TPTE2: variants seen among roughly 807,000 people sequenced by gnomAD.
TPTE2 encodes the protein transmembrane phosphoinositide 3-phosphatase and tensin homolog 2.
In TPTE2, 53 loss-of-function variants were observed where a neutral mutation model predicts 78.6. The observed-to-expected ratio is 0.67, with a 90% CI of 0.54 to 0.85. The LOEUF (loss-of-function observed/expected upper bound fraction) is 0.85. TPTE2 is among the 40% of genes least tolerant of loss of function. The pLI is 0.00. For missense variants in TPTE2, 461 were observed against 623.0 expected (o/e 0.74, Z 2.77); for synonymous variants, 175 against 206.2 (o/e 0.85, Z 1.30).
intron 5 of TPTE2, among the ~76,000 whole-genome samples, chr13:19,474,618 T>C (rs527965617): frequency 1.3e-5 from 2 of 152,358 alleles, no homozygotes; most frequent in African/African-American, 2.4e-5. Context: ...GCTTCTAGCA[T>C]AGTGATGGGC....
chr13:19,497,219 G>A (rs1246871310), intron 1 of TPTE2, among the ~76,000 whole-genome samples: 1 of 148,992 alleles, frequency 6.7e-6, no homozygotes, highest in South Asian at 2.3e-4. Context: ...AGCGAGGCTG[G>A]GGGAGGGGCG....
At chr13:19,464,032 G>T (rs1879102118) in intron 10 of TPTE2, among the ~76,000 whole-genome samples, 1 of 152,136 alleles carries the variant, frequency 6.6e-6, no homozygotes, top group Non-Finnish European at 1.5e-5. Flanking sequence ...TGCCAGATGG[G>T]ATGGGCCTTG....
chr13:19,465,864 T>C (rs1207048661), intron 7 of TPTE2, among the ~76,000 whole-genome samples: 1 of 152,180 alleles, frequency 6.6e-6, no homozygotes, highest in African/African-American at 2.4e-5. Context: ...TGGCCCAAAA[T>C]GTTGGTAATG....
chr13:19,464,954 G>T (rs546442193), intron 9 of TPTE2, among the ~76,000 whole-genome samples: 1 of 152,322 alleles, frequency 6.6e-6, no homozygotes, highest in Admixed American at 6.5e-5. Flanking sequence ...ATGAGAAGAG[G>T]TCTCTGTGGG....
intron 15 of TPTE2, among the ~76,000 whole-genome samples, chr13:19,435,805 C>T (rs1283980552): frequency 2.0e-5 from 3 of 147,630 alleles, no homozygotes; most frequent in African/African-American, 7.6e-5. Flanking sequence ...AGGAGTCATC[C>T]AAAAACAGTC....
At chr13:19,492,999 T>G in intron 2 of TPTE2, 96 bp from the exon 6 acceptor site, 5 of 1,520,204 alleles carry the variant, frequency 3.3e-6, no homozygotes, top group Non-Finnish European at 4.5e-6. Flanking sequence ...CAGAAACCAA[T>G]TAATTTCTGT....
intron 4 of TPTE2, among the ~76,000 whole-genome samples, chr13:19,478,192 G>A (rs1208360770): frequency 2.6e-5 from 4 of 152,144 alleles, no homozygotes; most frequent in African/African-American, 4.8e-5. Flanking sequence ...CTTCTGCACA[G>A]CAAAAGAAAC....
intron 4 of TPTE2, among the ~76,000 whole-genome samples, chr13:19,479,198 T>G (rs1880166951): frequency 6.6e-6 from 1 of 152,146 alleles, no homozygotes; most frequent in Non-Finnish European, 1.5e-5. Flanking sequence ...AATAAATGAT[T>G]CTAAAAGTAA....
chr13:19,473,173 T>G (rs569597997), intron 6 of TPTE2, among the ~76,000 whole-genome samples: 66 of 152,324 alleles, frequency 4.3e-4, no homozygotes, highest in African/African-American at 7.5e-4. Flanking sequence ...AGCACAGCAC[T>G]GGGTCTTGCC....
intron 1 of TPTE2, among the ~76,000 whole-genome samples, chr13:19,498,435 C>G (rs964376142): frequency 6.7e-6 from 1 of 149,258 alleles, no homozygotes; most frequent in Non-Finnish European, 1.5e-5. Flanking sequence ...GCCCATCAGA[C>G]TAACAGCAGA....
chr13:19,498,246 T>G (rs962849227), intron 1 of TPTE2, among the ~76,000 whole-genome samples: 1 of 152,044 alleles, frequency 6.6e-6, no homozygotes, highest in East Asian at 1.9e-4. Context: ...CCAGGAGAAC[T>G]TCCCCAATCT....
At chr13:19,436,928 G>A (rs920581195) in intron 14 of TPTE2, among the ~76,000 whole-genome samples, 51 of 151,910 alleles carry the variant, frequency 3.4e-4, no homozygotes, top group Non-Finnish European at 5.1e-4. Context: ...AGAAGCACAG[G>A]CCTGGAATAC....
At chr13:19,472,914 G>A (rs541256576) in intron 6 of TPTE2, among the ~76,000 whole-genome samples, 7 of 152,110 alleles carry the variant, frequency 4.6e-5, no homozygotes, top group Admixed American at 1.3e-4. Context: ...TGCTCTAGGC[G>A]GCACCCCAAG....
the TPTE2 span, among the ~76,000 whole-genome samples, chr13:19,555,271 C>T: frequency 6.6e-6 from 1 of 152,148 alleles, no homozygotes; most frequent in Admixed American, 6.5e-5. Flanking sequence ...TACCTGTCGA[C>T]TCTAGGATAA....
chr13:19,433,306 C>A (rs2137481210), intron 15 of TPTE2, among the ~76,000 whole-genome samples: 1 of 152,232 alleles, frequency 6.6e-6, no homozygotes, highest in Admixed American at 6.5e-5. Flanking sequence ...GAGTTTGAGA[C>A]CAGCCTCGCC....
At chr13:19,528,755 G>A (rs1388440172) in intron 1 of TPTE2, among the ~76,000 whole-genome samples, 1 of 152,174 alleles carries the variant, frequency 6.6e-6, no homozygotes, top group East Asian at 1.9e-4. Flanking sequence ...CCAGTAGAAA[G>A]AACAGACCTT....
At chr13:19,442,997 A>G (rs1009515661) in intron 13 of TPTE2, among the ~76,000 whole-genome samples, 1 of 152,148 alleles carries the variant, frequency 6.6e-6, no homozygotes, top group Admixed American at 6.5e-5. Context: ...GCATAAATTT[A>G]CCCAGAGAAT....
intron 1 of TPTE2, among the ~76,000 whole-genome samples, chr13:19,512,168 C>G (rs1869495662): frequency 6.6e-6 from 1 of 152,156 alleles, no homozygotes; most frequent in Non-Finnish European, 1.5e-5. Context: ...CTCATCTACC[C>G]TTTAAAAGGC....
At chr13:19,483,455 T>A (rs750904777) in intron 3 of TPTE2, among the ~76,000 whole-genome samples, 2 of 152,166 alleles carry the variant, frequency 1.3e-5, no homozygotes, top group Non-Finnish European at 2.9e-5. Context: ...CTCATAATAG[T>A]CTCTAATAAT....
Sources: allele counts gnomAD v4.1 joint callset (sites outside exome capture counted in the v4.1 genomes callset), GRCh38; gene constraint gnomAD v4.1.1; transcripts MANE v1.5; gene names NCBI Gene and HGNC (gene_info 2026-07-23, HGNC 2026-07-21).